COL22A1: variants seen among roughly 807,000 people sequenced by gnomAD.
COL22A1 encodes the protein collagen alpha-1(XXII) chain.
COL22A1 carries 221 observed loss-of-function variants against 248.9 expected under a neutral mutation model. The observed-to-expected ratio is 0.89, with a 90% CI of 0.80 to 0.99. The LOEUF (loss-of-function observed/expected upper bound fraction) is 0.99. Ranked by LOEUF, COL22A1 falls within the 50% of genes least tolerant of loss-of-function variation. The pLI is 0.00. For synonymous variants in COL22A1, 891 were observed against 793.4 expected (o/e 1.12, Z -2.07); for missense variants, 2,240 against 2,179.0 (o/e 1.03, Z -0.56).
At chr8:138,595,252 C>T (rs1359806272) in intron 62 of COL22A1, among the ~76,000 whole-genome samples, 12 of 152,220 alleles carry the variant, frequency 7.9e-5, no homozygotes, top group South Asian at 6.2e-4. Context: ...TTGGCTTCTG[C>T]GACCTTGACA....
intron 57 of COL22A1, among the ~76,000 whole-genome samples, chr8:138,606,855 A>G (rs1818465955): frequency 6.6e-6 from 1 of 152,124 alleles, no homozygotes; most frequent in Non-Finnish European, 1.5e-5. Flanking sequence ...GAATTTTTCA[A>G]CTTCAACTTT....
At chr8:138,900,955 TAC>T in intron 1 of COL22A1, among the ~76,000 whole-genome samples, 1 of 152,334 alleles carries the variant, frequency 6.6e-6, no homozygotes, top group South Asian at 2.1e-4. Flanking sequence ...GGACATTTTT[TAC>T]ACTCTGTAAA....
intron 12 of COL22A1, among the ~76,000 whole-genome samples, chr8:138,796,061 C>T (rs1450258653): frequency 5.9e-5 from 9 of 152,128 alleles, no homozygotes; most frequent in East Asian, 3.9e-4. Context: ...TCCAAGAAAA[C>T]GATAATTTTT....
intron 4 of COL22A1, among the ~76,000 whole-genome samples, chr8:138,840,557 A>ACACG (rs1354847855): frequency 0.017 from 2,556 of 150,736 alleles, 48 homozygotes; most frequent in African/African-American, 0.045. Context: ...ACACACACAC[A>ACACG]CGCGCTCCTG....
intron 44 of COL22A1, 137 bp from the exon 45 acceptor site, chr8:138,656,081 C>T (rs1823233667): frequency 4.3e-6 from 3 of 697,322 alleles, no homozygotes; most frequent in Admixed American, 5.1e-5. Context: ...TACGGACAGC[C>T]CAGTGGATGT....
chr8:138,661,220 G>A (rs1424637409), intron 43 of COL22A1, among the ~76,000 whole-genome samples: 1 of 152,078 alleles, frequency 6.6e-6, no homozygotes, highest in African/African-American at 2.4e-5. Flanking sequence ...AATGCTGAGA[G>A]TGGAACAGTG....
chr8:138,883,309 G>A, intron 1 of COL22A1, 65 bp from the exon 2 acceptor site: 1 of 881,568 alleles, frequency 1.1e-6, no homozygotes. Flanking sequence ...GGCAAACTCT[G>A]GGCCCTGCCC....
intron 23 of COL22A1, 95 bp from the exon 24 acceptor site, chr8:138,725,535 G>A (rs1830233933): frequency 1.0e-6 from 1 of 959,320 alleles, no homozygotes; most frequent in Admixed American, 2.5e-5. Flanking sequence ...AAGGGGACAG[G>A]AGGATGAGGT....
chr8:138,884,169 T>C (rs1208807658), intron 1 of COL22A1, among the ~76,000 whole-genome samples: 1 of 152,188 alleles, frequency 6.6e-6, no homozygotes, highest in East Asian at 1.9e-4. Flanking sequence ...GGAAAATTTT[T>C]CCCAGACCAC....
At chr8:138,702,725 ACT>A (rs2130990101) in intron 31 of COL22A1, among the ~76,000 whole-genome samples, 1 of 152,300 alleles carries the variant, frequency 6.6e-6, no homozygotes, top group East Asian at 1.9e-4. Flanking sequence ...TGCACCAGAA[ACT>A]CTGCCAAATA....
intron 47 of COL22A1, among the ~76,000 whole-genome samples, chr8:138,644,350 A>G (rs1166982971): frequency 1.3e-5 from 2 of 152,158 alleles, no homozygotes; most frequent in African/African-American, 4.8e-5. Flanking sequence ...GGCTTCTTAA[A>G]TTTTATTCCC....
intron 30 of COL22A1, among the ~76,000 whole-genome samples, chr8:138,706,926 T>C (rs1275739688): frequency 1.3e-5 from 2 of 151,912 alleles, no homozygotes; most frequent in Admixed American, 1.3e-4. Flanking sequence ...GAGAATCAAA[T>C]AGATGCAATA....
intron 13 of COL22A1, among the ~76,000 whole-genome samples, 199 bp downstream of exon 13, chr8:138,780,728 C>T (rs1814888270): frequency 6.6e-6 from 1 of 152,168 alleles, no homozygotes; most frequent in Non-Finnish European, 1.5e-5. Context: ...GCAGGCGATA[C>T]CCGGGGGGCA....
rs1832969507 is a variant in COL22A1 at position 138,755,973 on chromosome 8, C to T, written c.1903-144G>A. ...CACACATATCTTCGTCTTGCCCGAG[C>T]CTGCTGTCTTCTGAAATTCTCAAAG... On this transcript the variant is annotated intron_variant, in intron 18 of 64. Coordinates refer to ENST00000303045, the MANE Select transcript of COL22A1 (RefSeq NM_152888.3). The T allele has an allele frequency of 4.0e-5, 27 of 680,634 alleles. No homozygotes were observed. In the South Asian group the frequency reaches 4.8e-4, roughly 12 times the overall value. The allele number at this position is 680,634 out of a possible 1,614,324, so 42.2% of individuals were successfully genotyped here. A position where few individuals can be genotyped will look rare whatever the true frequency, so the allele number is the denominator to read the frequency against.
At chr8:138,779,066 C>T (rs1270961916) in intron 14 of COL22A1, among the ~76,000 whole-genome samples, 2 of 152,362 alleles carry the variant, frequency 1.3e-5, no homozygotes, top group Middle Eastern at 3.4e-3. Flanking sequence ...TGCACACATG[C>T]ACGCATATTC....
chr8:138,614,260 A>G (rs1179875105), intron 55 of COL22A1, among the ~76,000 whole-genome samples: 1 of 152,202 alleles, frequency 6.6e-6, no homozygotes, highest in East Asian at 1.9e-4. Flanking sequence ...CTGATTCGCT[A>G]GACGGTGACC....
At chr8:138,790,408 C>T (rs1452832143) in intron 12 of COL22A1, among the ~76,000 whole-genome samples, 1 of 152,146 alleles carries the variant, frequency 6.6e-6, no homozygotes. Flanking sequence ...TGGGGAGCAC[C>T]ACTTTCAGAC....
intron 3 of COL22A1, among the ~76,000 whole-genome samples, chr8:138,846,624 T>TG (rs1187866480): frequency 6.6e-6 from 1 of 151,898 alleles, no homozygotes; most frequent in East Asian, 2.0e-4. Flanking sequence ...CTGGGGATGG[T>TG]GGGGTCCTCA....
chr8:138,852,481 C>A (rs192355280), intron 3 of COL22A1, among the ~76,000 whole-genome samples: 16 of 152,292 alleles, frequency 1.1e-4, no homozygotes, highest in Admixed American at 3.3e-4. Context: ...CATTTTCCAT[C>A]TGAGATGTCC....
Sources: gnomAD v4.1 joint callset for allele counts (sites outside exome capture counted in the v4.1 genomes callset) on GRCh38, gnomAD v4.1.1 for gene constraint, MANE v1.5 for transcripts, NCBI Gene and HGNC (gene_info 2026-07-23, HGNC 2026-07-21) for gene names.